The following ME3 variants were observed in gnomAD, a reference collection of about 807,000 sequenced individuals.
ME3 encodes NADP-dependent malic enzyme, mitochondrial.
Under a neutral mutation model 68.9 loss-of-function variants are expected in ME3, and 48 were observed. That is an observed-to-expected ratio of 0.70 (90% confidence interval 0.55 to 0.89). The LOEUF (loss-of-function observed/expected upper bound fraction) is 0.89. Ranked by LOEUF, ME3 falls within the 40% of genes least tolerant of loss-of-function variation. The probability of loss-of-function intolerance (pLI) is 0.00; values close to 1 mark genes in which losing one functional copy is unlikely to be tolerated. For synonymous variants in ME3, 320 were observed against 318.8 expected (o/e 1.00, Z -0.04); for missense variants, 675 against 797.4 (o/e 0.85, Z 1.85).
intron 2 of ME3, among the ~76,000 whole-genome samples, chr11:86,633,838 G>T (rs1318211671): frequency 1.3e-5 from 2 of 152,164 alleles, no homozygotes; most frequent in African/African-American, 2.4e-5. Flanking sequence ...CCACCATCTA[G>T]AGGGGAAACC....
chr11:86,537,129 A>G (rs2139317364), intron 4 of ME3, among the ~76,000 whole-genome samples: 1 of 140,358 alleles, frequency 7.1e-6, no homozygotes, highest in African/African-American at 2.7e-5. Flanking sequence ...CACTCTGGGG[A>G]CTGTTGTGGG....
intron 2 of ME3, among the ~76,000 whole-genome samples, chr11:86,644,592 T>C (rs138519373): frequency 1.3e-5 from 2 of 152,238 alleles, no homozygotes; most frequent in African/African-American, 2.4e-5. Context: ...TGATATAAGC[T>C]GTTCCCTCTG....
At chr11:86,658,595 T>C (rs141656420) in intron 2 of ME3, among the ~76,000 whole-genome samples, 2 of 152,130 alleles carry the variant, frequency 1.3e-5, no homozygotes, top group Non-Finnish European at 2.9e-5. Context: ...CACAGAACAT[T>C]GAATAGCTCA....
intron 2 of ME3, among the ~76,000 whole-genome samples, chr11:86,572,364 C>G (rs1204729235): frequency 3.3e-5 from 5 of 151,978 alleles, no homozygotes; most frequent in Non-Finnish European, 7.4e-5. Flanking sequence ...TTTCCTGCAC[C>G]TATCAACCCA....
At chr11:86,521,374 G>A (rs659700) in intron 4 of ME3, among the ~76,000 whole-genome samples, 23,569 of 149,134 alleles carry the variant, frequency 0.16, 1,952 homozygotes, top group East Asian at 0.26. Flanking sequence ...CAGCCTGGGC[G>A]ACAGAGCGAG....
intron 8 of ME3, among the ~76,000 whole-genome samples, chr11:86,451,487 G>A (rs913588497): frequency 1.3e-5 from 2 of 152,212 alleles, no homozygotes; most frequent in Admixed American, 6.5e-5. Flanking sequence ...AACAGCCATG[G>A]TGGTAAGGAT....
intron 2 of ME3, among the ~76,000 whole-genome samples, chr11:86,604,140 G>A (rs1264132096): frequency 6.6e-6 from 1 of 151,694 alleles, no homozygotes; most frequent in Non-Finnish European, 1.5e-5. Flanking sequence ...ATAGATAGGA[G>A]TGTCTGGGTT....
rs148861078 is a variant in ME3 at position 86,545,121 on chromosome 11, C to CA, written c.467+11431dup. Among the ~76,000 whole-genome samples the CA allele has an allele frequency of 3.6e-3, 484 of 133,628 alleles. 5 individuals carry two copies. The highest frequency in any genetic ancestry group is 0.014 in the African/African-American group (471 of 33,630). The allele number at this position is 133,628 out of a possible 152,430, so 87.7% of individuals were successfully genotyped here. On this transcript the variant is annotated intron_variant, in intron 4 of 14. Coordinates refer to ENST00000543262, the Ensembl canonical transcript of ME3. ...AGAAAAGGCCTTCGATAAAATTCAA[C>CA]ACCCTTCATGCTAAAAACTCTCAAG... is the stretch of plus-strand genomic sequence containing the variant.
At chr11:86,507,976 C>A (rs1438727588) in intron 5 of ME3, among the ~76,000 whole-genome samples, 27 of 143,274 alleles carry the variant, frequency 1.9e-4, no homozygotes, top group African/African-American at 3.1e-4. Flanking sequence ...GACTCTGTCT[C>A]AAAAAAAAAA....
At chr11:86,516,389 A>T (rs1444173340) in intron 4 of ME3, among the ~76,000 whole-genome samples, 1 of 151,948 alleles carries the variant, frequency 6.6e-6, no homozygotes, top group Admixed American at 6.6e-5. Flanking sequence ...GTGTGTATAT[A>T]TATATATATG....
intron 4 of ME3, among the ~76,000 whole-genome samples, chr11:86,552,774 A>C (rs1035446519): frequency 6.6e-6 from 1 of 152,122 alleles, no homozygotes; most frequent in Non-Finnish European, 1.5e-5. Context: ...AAGTGTCATA[A>C]TGTTTTCTTT....
chr11:86,438,286 A>G (rs1480634962), downstream of ME3, among the ~76,000 whole-genome samples: 1 of 152,154 alleles, frequency 6.6e-6, no homozygotes, highest in Non-Finnish European at 1.5e-5. Context: ...AACCATATTG[A>G]ACAATTTTTG....
intron 2 of ME3, among the ~76,000 whole-genome samples, chr11:86,660,778 C>T (rs2135487096): frequency 6.6e-6 from 1 of 152,196 alleles, no homozygotes; most frequent in East Asian, 1.9e-4. Flanking sequence ...ATAATCTCAT[C>T]ACAAAAGATG....
chr11:86,449,698 C>T (rs1012382522), intron 10 of ME3, among the ~76,000 whole-genome samples, 191 bp downstream of exon 10: 4 of 152,242 alleles, frequency 2.6e-5, no homozygotes, highest in Non-Finnish European at 4.4e-5. Context: ...CATCTACACA[C>T]TTGTACAAAC....
At chr11:86,470,056 G>A (rs1594082672) in intron 7 of ME3, among the ~76,000 whole-genome samples, 1 of 152,118 alleles carries the variant, frequency 6.6e-6, no homozygotes, top group Non-Finnish European at 1.5e-5. Flanking sequence ...TCTCCCCAGT[G>A]TGTGAACCAA....
chr11:86,520,974 C>T (rs894850257), intron 4 of ME3, among the ~76,000 whole-genome samples: 1 of 152,188 alleles, frequency 6.6e-6, no homozygotes, highest in Admixed American at 6.5e-5. Flanking sequence ...TCTACCAAGG[C>T]ACGCAGTTAT....
chr11:86,643,811 A>G lies in ME3; in HGVS notation c.183+27951T>C, dbSNP rs1442943343. 5.9e-5 allele frequency among the ~76,000 whole-genome samples: 9 copies of G among 152,298 alleles called. 1 individual carries two copies. Among genetic ancestry groups the G allele is most frequent in the Admixed American group, 2.6e-4 (4 of 15,290 alleles). ...AGTAGGTTCTCAATAAGTTTATTGA[A>G]TAAGTCAGTGAACGGTCTCAGGGAA... On this transcript the variant is annotated intron_variant, in intron 2 of 14. Coordinates refer to ENST00000543262, the Ensembl canonical transcript of ME3.
intron 9 of ME3, 94 bp from the exon 10 acceptor site, chr11:86,450,096 C>T (rs1949547955): frequency 5.3e-6 from 6 of 1,133,234 alleles, no homozygotes; most frequent in Non-Finnish European, 6.4e-6. Context: ...CTTTTCTTTC[C>T]CCCACCTCAA....
intron 7 of ME3, among the ~76,000 whole-genome samples, chr11:86,476,292 G>A (rs1657205529): frequency 6.6e-6 from 1 of 152,182 alleles, no homozygotes; most frequent in Admixed American, 6.5e-5. Context: ...GGAAAATAGC[G>A]AGCACGAAGG....
Sources: allele counts gnomAD v4.1 joint callset (sites outside exome capture counted in the v4.1 genomes callset), GRCh38; gene constraint gnomAD v4.1.1; transcripts MANE v1.5; gene names NCBI Gene and HGNC (gene_info 2026-07-23, HGNC 2026-07-21).